SLC35F4: variants seen among roughly 807,000 people sequenced by gnomAD.
SLC35F4 encodes solute carrier family 35 member F4, also known as chromosome 14 open reading frame 36.
A neutral mutation model predicts 44.2 loss-of-function variants in SLC35F4; 24 were observed. The observed-to-expected ratio is 0.54, with a 90% CI of 0.39 to 0.76. The LOEUF (loss-of-function observed/expected upper bound fraction) is 0.76. SLC35F4 is among the 30% of genes least tolerant of loss of function. The pLI, the probability that SLC35F4 is intolerant of heterozygous loss-of-function variation, is 0.00. For missense variants in SLC35F4, 562 were observed against 586.1 expected, an observed-to-expected ratio of 0.96 and a Z score of 0.42; for synonymous variants, 238 against 223.6, an observed-to-expected ratio of 1.06 and a Z score of -0.57.
chr14:57,820,288 A>G (rs1441055558), intron 1 of SLC35F4, among the ~76,000 whole-genome samples: 6 of 152,190 alleles, frequency 3.9e-5, no homozygotes, highest in African/African-American at 1.4e-4. Flanking sequence ...AACATCTTTC[A>G]GTATATGCTT....
chr14:57,867,514 T>C (rs1888201432), upstream of SLC35F4, among the ~76,000 whole-genome samples: 1 of 151,362 alleles, frequency 6.6e-6, no homozygotes, highest in African/African-American at 2.4e-5. Flanking sequence ...AGCTAAAAGG[T>C]CAAAAGGAAC....
At chr14:57,962,536 G>T (rs1890358268) in intron 1 of SLC35F4, among the ~76,000 whole-genome samples, 1 of 152,182 alleles carries the variant, frequency 6.6e-6, no homozygotes, top group Non-Finnish European at 1.5e-5. Context: ...TAATCCTACA[G>T]GACATCTCAA....
At chr14:57,852,692 T>A (rs1484561231) in intron 1 of SLC35F4, among the ~76,000 whole-genome samples, 1 of 152,172 alleles carries the variant, frequency 6.6e-6, no homozygotes, top group African/African-American at 2.4e-5. Flanking sequence ...TCACCATAAC[T>A]CCAGCAGGGA....
At chr14:57,954,483 G>T (rs1459224893) in intron 1 of SLC35F4, among the ~76,000 whole-genome samples, 1 of 152,086 alleles carries the variant, frequency 6.6e-6, no homozygotes. Flanking sequence ...ATGAATCCAG[G>T]AGCTGCGTTT....
intron 1 of SLC35F4, among the ~76,000 whole-genome samples, chr14:57,654,068 C>T (rs183523290): frequency 1.3e-5 from 2 of 152,252 alleles, no homozygotes; most frequent in East Asian, 1.9e-4. Flanking sequence ...CCCTTTATAA[C>T]GACACCAGTC....
At chr14:57,790,148 A>T (rs183219798) in intron 1 of SLC35F4, among the ~76,000 whole-genome samples, 67 of 152,332 alleles carry the variant, frequency 4.4e-4, no homozygotes, top group Non-Finnish European at 5.4e-4. Flanking sequence ...TGGCCAGGGC[A>T]ATCAGGCAAG....
chr14:57,849,692 TA>T (rs1327751868), intron 1 of SLC35F4, among the ~76,000 whole-genome samples: 1 of 152,088 alleles, frequency 6.6e-6, no homozygotes, highest in Non-Finnish European at 1.5e-5. Context: ...AGTTTAAAAA[TA>T]AAGTACAACA....
chr14:57,837,855 C>T (rs917061733), intron 1 of SLC35F4, among the ~76,000 whole-genome samples: 2 of 152,210 alleles, frequency 1.3e-5, no homozygotes, highest in African/African-American at 4.8e-5. Context: ...GCTCACCTCC[C>T]CTTCCCCAAT....
chr14:57,923,398 C>A (rs532879591), intron 1 of SLC35F4, among the ~76,000 whole-genome samples: 3 of 152,316 alleles, frequency 2.0e-5, no homozygotes, highest in African/African-American at 7.2e-5. Context: ...ACGCACTCAG[C>A]CACCCAGGTG....
At chr14:57,750,024 T>G (rs961469121) in intron 1 of SLC35F4, among the ~76,000 whole-genome samples, 13 of 152,158 alleles carry the variant, frequency 8.5e-5, no homozygotes, top group African/African-American at 2.2e-4. Context: ...TTAAGTAATT[T>G]CTCATCATCC....
intron 1 of SLC35F4, among the ~76,000 whole-genome samples, chr14:57,832,393 T>C (rs1884466996): frequency 6.6e-6 from 1 of 152,150 alleles, no homozygotes; most frequent in South Asian, 2.1e-4. Context: ...GATTAATACA[T>C]AGAAGAAGAA....
intron 1 of SLC35F4, among the ~76,000 whole-genome samples, chr14:57,740,968 A>T (rs574295113): frequency 4.6e-4 from 70 of 152,292 alleles, no homozygotes; most frequent in African/African-American, 1.7e-3. Context: ...CCAGGCAAAC[A>T]GGGTCTCGAG....
intron 1 of SLC35F4, among the ~76,000 whole-genome samples, chr14:57,839,473 A>G (rs980869385): frequency 1.3e-5 from 2 of 152,202 alleles, no homozygotes; most frequent in African/African-American, 4.8e-5. Context: ...CAGCAAACTA[A>G]CACAGGAACA....
At chr14:57,825,652 A>C (rs1883657575) in intron 1 of SLC35F4, among the ~76,000 whole-genome samples, 1 of 152,194 alleles carries the variant, frequency 6.6e-6, no homozygotes, top group South Asian at 2.1e-4. Context: ...TTAAGCTGAC[A>C]AGCAAATTCA....
At chr14:57,570,344 G>A (rs975852314) in intron 5 of SLC35F4, among the ~76,000 whole-genome samples, 3 of 152,064 alleles carry the variant, frequency 2.0e-5, no homozygotes, top group African/African-American at 7.2e-5. Flanking sequence ...TTAAAGCATG[G>A]GATTTGTTTT....
intron 1 of SLC35F4, among the ~76,000 whole-genome samples, chr14:57,757,038 TTC>T (rs2077010919): frequency 6.6e-6 from 1 of 152,182 alleles, no homozygotes; most frequent in South Asian, 2.1e-4. Context: ...CTCTTTGCAA[TTC>T]TCTGAGTTTT....
At position 57,902,845 on chromosome 14, in the gene SLC35F4, C is replaced by T. The variant is rs1889033778; in HGVS notation, n.282+79068G>A. Among the ~76,000 whole-genome samples, 3 of 152,144 alleles carry T rather than the reference C, an allele frequency of 2.0e-5. No individual in the cohort carries two copies. The South Asian group carries it at 6.2e-4, about 32-fold the overall frequency. On this transcript the variant is annotated intron_variant and non_coding_transcript_variant, in intron 1 of 1. Transcript: ENST00000556568. The stretch of plus-strand genomic sequence containing the variant: ...CATCTGCATGGAAAGCTCTTCCTCC[C>T]TGATACCTGCATCACTCCCTCTCTC...
intron 1 of SLC35F4, among the ~76,000 whole-genome samples, chr14:57,804,712 A>T (rs1004351753): frequency 2.0e-5 from 3 of 152,236 alleles, no homozygotes; most frequent in Non-Finnish European, 4.4e-5. Flanking sequence ...AGGCACAAAC[A>T]AAGGTTTCAT....
rs897335536 is a variant in SLC35F4, at chr14:57,667,450, C to T, written c.104-73326G>A. 7.3e-5 allele frequency among the ~76,000 whole-genome samples: 11 copies of T among 151,512 alleles called. No homozygotes were observed. In the East Asian group the frequency reaches 2.1e-3, roughly 30 times the overall value. ...CTGCACCCATTAACTCGTCATTTAA[C>T]ATTAGGTATATCTCCTAATGCTATC... On this transcript the variant is annotated intron_variant, in intron 1 of 7. Transcript: ENST00000556826.
Sources: allele counts gnomAD v4.1 joint callset (sites outside exome capture counted in the v4.1 genomes callset), GRCh38; gene constraint gnomAD v4.1.1; transcripts MANE v1.5; gene names NCBI Gene and HGNC (gene_info 2026-07-23, HGNC 2026-07-21).